HECW1: variants seen among roughly 807,000 people sequenced by gnomAD.
HECW1 encodes E3 ubiquitin-protein ligase HECW1.
In HECW1, 61 loss-of-function variants were observed where a neutral mutation model predicts 182.3. The observed-to-expected ratio is 0.33, with a 90% CI of 0.27 to 0.41. HECW1 has a LOEUF of 0.41. Among genes scored for constraint, HECW1 ranks in the 10% least tolerant of loss-of-function variants. HECW1 has a pLI of 1.00. For missense variants in HECW1, 1,739 were observed against 2,108.9 expected, an observed-to-expected ratio of 0.82 and a Z score of 3.44; for synonymous variants, 859 against 832.6, an observed-to-expected ratio of 1.03 and a Z score of -0.55.
In HECW1 at chr7:43,468,974, G is replaced by C; in HGVS notation, c.2968G>C (p.Val990Leu). ...CTGCTTAAAGCACATGATTCTGAAA[G>C]TCCGACGGGATGCTCGCAATTTTGA... is the stretch of plus-strand genomic sequence containing the variant. Reference protein sequence around the residue: ...STCLKHMILKVRRDARNFERY... With the variant: ...STCLKHMILKLRRDARNFERY... Residue 990 changes from valine to leucine, a missense_variant, in exon 16 of 30, where the codon GTC (valine) becomes CTC (leucine). Val to Leu is a conservative substitution (Grantham distance 32). Transcript: ENST00000395891. 6.2e-7 allele frequency: 1 copy of C among 1,614,222 alleles called. No homozygotes were observed. The highest frequency in any genetic ancestry group is 8.5e-7 in the Non-Finnish European group (1 of 1,180,052).
At chr7:43,500,243 G>A (rs1048158358) in intron 19 of HECW1, among the ~76,000 whole-genome samples, 2 of 152,048 alleles carry the variant, frequency 1.3e-5, no homozygotes, top group Non-Finnish European at 2.9e-5. Flanking sequence ...GGGATTACAG[G>A]CAGGCAACAC....
Position 43,562,690 on chromosome 7 carries a change from A to T in HECW1, c.*764A>T, listed in dbSNP as rs1283365598. On this transcript the variant is annotated 3_prime_UTR_variant, in exon 30 of 30. Transcript: ENST00000395891. ...GGGGGAGCATCCCTAGTGAATACTCACACCACAAGAAGGACAAACTTGTGC... is the reference window on the plus strand; with the variant it reads ...GGGGGAGCATCCCTAGTGAATACTCTCACCACAAGAAGGACAAACTTGTGC... 4.0e-5 allele frequency: 9 copies of T among 224,354 alleles called. No individual in the cohort carries two copies. The highest frequency in any genetic ancestry group is 5.3e-5 in the Non-Finnish European group (6 of 112,276). The allele number at this position is 224,354 out of a possible 1,614,324, so 13.9% of individuals were successfully genotyped here.
At chr7:43,119,249 A>G (rs546231428) in intron 2 of HECW1, 2 of 152,398 alleles carry the variant, frequency 1.3e-5, no homozygotes, top group South Asian at 4.1e-4. Flanking sequence ...AGGGTCACCA[A>G]TGATCTCTAC....
chr7:43,454,598 C>T (rs2152887201), intron 12 of HECW1, among the ~76,000 whole-genome samples: 1 of 152,244 alleles, frequency 6.6e-6, no homozygotes, highest in South Asian at 2.1e-4. Context: ...CAATTTGTCT[C>T]ATAAGTTAAG....
At chr7:43,356,590 C>T (rs1216940884) in intron 5 of HECW1, among the ~76,000 whole-genome samples, 1 of 152,188 alleles carries the variant, frequency 6.6e-6, no homozygotes. Flanking sequence ...GCAGAATACA[C>T]ATTTTTTCTA....
chr7:43,417,105 C>A lies in HECW1; in HGVS notation c.801+9374C>A, dbSNP rs1192139093. ...CACTCTGGTCGCCCAGGCTGGAGTG[C>A]AATGGCGCAATCTCGGCTCACTGCA... On this transcript the variant is annotated intron_variant, in intron 8 of 29. Coordinates refer to ENST00000395891, the MANE Select transcript of HECW1 (RefSeq NM_015052.5). Among the ~76,000 whole-genome samples the A allele has an allele frequency of 7.9e-5, 12 of 152,290 alleles. No individual in the cohort carries two copies. The East Asian group carries it at 2.3e-3, about 29-fold the overall frequency.
chr7:43,155,647 T>C (rs1165030886), intron 2 of HECW1, among the ~76,000 whole-genome samples: 1 of 152,244 alleles, frequency 6.6e-6, no homozygotes, highest in Admixed American at 6.5e-5. Flanking sequence ...TTGCTGAGTG[T>C]GTACCTCTCT....
chr7:43,524,571 AC>A (rs2080683705), intron 24 of HECW1, among the ~76,000 whole-genome samples: 1 of 152,272 alleles, frequency 6.6e-6, no homozygotes, highest in Non-Finnish European at 1.5e-5. Context: ...TCTTCAAAGA[AC>A]CTATTAACAT....
At chr7:43,373,178 G>A (rs950773179) in intron 6 of HECW1, among the ~76,000 whole-genome samples, 6 of 150,110 alleles carry the variant, frequency 4.0e-5, no homozygotes, top group Admixed American at 3.3e-4. Flanking sequence ...GCCCATGCAC[G>A]TTGGTGTCGT....
intron 9 of HECW1, among the ~76,000 whole-genome samples, chr7:43,441,774 T>G (rs1435202600): frequency 6.6e-6 from 1 of 152,236 alleles, no homozygotes; most frequent in East Asian, 1.9e-4. Flanking sequence ...TCATATAATT[T>G]TCACATGCTA....
At chr7:43,365,436 A>C (rs1365375413) in intron 6 of HECW1, among the ~76,000 whole-genome samples, 1 of 105,518 alleles carries the variant, frequency 9.5e-6, no homozygotes, top group Non-Finnish European at 1.9e-5. Context: ...CATGCAGGGC[A>C]GGCTGAGGAC....
At chr7:43,232,366 C>A (rs972584400) in intron 2 of HECW1, among the ~76,000 whole-genome samples, 4 of 152,188 alleles carry the variant, frequency 2.6e-5, no homozygotes, top group Non-Finnish European at 5.9e-5. Flanking sequence ...TTGCCCCGAG[C>A]AGTGGAATTT....
intron 14 of HECW1, among the ~76,000 whole-genome samples, chr7:43,465,614 G>A (rs1259072277): frequency 6.6e-6 from 1 of 152,240 alleles, no homozygotes; most frequent in Non-Finnish European, 1.5e-5. Flanking sequence ...CCCCAATTCA[G>A]CAAGGGGAAG....
chr7:43,230,705 C>G (rs1195573108), intron 2 of HECW1, among the ~76,000 whole-genome samples: 1 of 152,110 alleles, frequency 6.6e-6, no homozygotes, highest in African/African-American at 2.4e-5. Context: ...AAACATGACA[C>G]ATATGTATGT....
chr7:43,563,587 G>T lies in HECW1; in HGVS notation c.*1661G>T, dbSNP rs7794329. The T allele has an allele frequency of 0.077, 14,371 of 187,580 alleles. 2,189 individuals are homozygous for T. The highest frequency in any genetic ancestry group is 0.32 in the African/African-American group (13,490 of 42,760). The allele number at this position is 187,580 out of a possible 1,614,324, so 11.6% of individuals were successfully genotyped here. ...GTGTTCCTACACTCTAAAGCATTCCGGCCAGGAGCGGTGGCTCATGCCTGT... is the reference window on the plus strand; with the variant it reads ...GTGTTCCTACACTCTAAAGCATTCCTGCCAGGAGCGGTGGCTCATGCCTGT... On this transcript the variant is annotated 3_prime_UTR_variant, in exon 30 of 30. Transcript: ENST00000395891.
chr7:43,415,953 A>C (rs1366164872), intron 8 of HECW1, among the ~76,000 whole-genome samples: 3 of 137,098 alleles, frequency 2.2e-5, no homozygotes, highest in Admixed American at 7.4e-5. Context: ...AAAGTTTTCA[A>C]CTTCTTTGCC....
At chr7:43,327,080 C>A (rs557197245) in intron 5 of HECW1, among the ~76,000 whole-genome samples, 1 of 152,352 alleles carries the variant, frequency 6.6e-6, no homozygotes, top group East Asian at 1.9e-4. Flanking sequence ...CATTTTCAAT[C>A]ACTGTTGTGT....
At chr7:43,154,512 A>G (rs1789669918) in intron 2 of HECW1, among the ~76,000 whole-genome samples, 1 of 152,218 alleles carries the variant, frequency 6.6e-6, no homozygotes, top group Admixed American at 6.5e-5. Flanking sequence ...AGTGAATTAT[A>G]TTCTCGTTGT....
chr7:43,344,613 C>A (rs1813439231), intron 5 of HECW1, among the ~76,000 whole-genome samples: 1 of 151,948 alleles, frequency 6.6e-6, no homozygotes. Context: ...GCACCATCAT[C>A]TCTCTGCTGT....
Sources: gnomAD v4.1 joint callset for allele counts (sites outside exome capture counted in the v4.1 genomes callset) on GRCh38, gnomAD v4.1.1 for gene constraint, MANE v1.5 for transcripts, NCBI Gene and HGNC (gene_info 2026-07-23, HGNC 2026-07-21) for gene names.